The following SERPINB7 variants were observed in gnomAD, a reference collection of about 807,000 sequenced individuals.
SERPINB7 encodes serpin B7.
In SERPINB7, 31 loss-of-function variants were observed where a neutral mutation model predicts 37.4. The ratio of observed to expected loss-of-function variants is 0.83; its 90% CI spans 0.62 to 1.12. The LOEUF is 1.12. SERPINB7 is among the 50% of genes most tolerant of loss of function. The pLI, the probability that SERPINB7 is intolerant of heterozygous loss-of-function variation, is 0.00. For synonymous variants in SERPINB7, 163 were observed against 166.1 expected, an observed-to-expected ratio of 0.98 and a Z score of 0.14; for missense variants, 521 against 455.3, an observed-to-expected ratio of 1.14 and a Z score of -1.31.
intron 2 of SERPINB7, among the ~76,000 whole-genome samples, chr18:63,788,487 A>C (rs1380203029): frequency 6.6e-6 from 1 of 152,224 alleles, no homozygotes; most frequent in Non-Finnish European, 1.5e-5. Context: ...GTTTTTAAAA[A>C]ATAAGAAGTT....
chr18:63,760,059 A>G (rs1255019371), intron 1 of SERPINB7, among the ~76,000 whole-genome samples: 1 of 152,194 alleles, frequency 6.6e-6, no homozygotes, highest in Non-Finnish European at 1.5e-5. Flanking sequence ...AGGTTGGAAT[A>G]GTTTGGAGGG....
intron 6 of SERPINB7, among the ~76,000 whole-genome samples, chr18:63,800,059 A>ATTTT (rs11347836): frequency 1.9e-4 from 28 of 143,710 alleles, no homozygotes; most frequent in Admixed American, 4.9e-4. Context: ...TAAATAGCGT[A>ATTTT]TTTTTTTTTT....
chr18:63,783,793 C>G (rs1167410775), intron 2 of SERPINB7, among the ~76,000 whole-genome samples: 1 of 152,202 alleles, frequency 6.6e-6, no homozygotes, highest in African/African-American at 2.4e-5. Context: ...CACTATTCCT[C>G]CCATTATTTT....
chr18:63,801,917 C>G (rs537382839), intron 7 of SERPINB7, among the ~76,000 whole-genome samples: 1 of 152,124 alleles, frequency 6.6e-6, no homozygotes, highest in African/African-American at 2.4e-5. Context: ...TACATCGTGG[C>G]GGAATTCAGG....
At chr18:63,781,254 G>T (rs1394775734) in intron 1 of SERPINB7, among the ~76,000 whole-genome samples, 1 of 152,150 alleles carries the variant, frequency 6.6e-6, no homozygotes, top group Non-Finnish European at 1.5e-5. Context: ...GTACAAGGAA[G>T]CATGATTTTC....
At chr18:63,780,699 G>A (rs923567726) in intron 1 of SERPINB7, among the ~76,000 whole-genome samples, 154 of 152,302 alleles carry the variant, frequency 1.0e-3, no homozygotes, top group African/African-American at 3.4e-3. Flanking sequence ...GATATGTGGG[G>A]TGTGAATGAT....
At chr18:63,764,499 T>C (rs2049170243) in intron 1 of SERPINB7, among the ~76,000 whole-genome samples, 1 of 152,204 alleles carries the variant, frequency 6.6e-6, no homozygotes, top group Non-Finnish European at 1.5e-5. Flanking sequence ...CAGGAGGGGC[T>C]GTTCCCAAGC....
intron 2 of SERPINB7, among the ~76,000 whole-genome samples, chr18:63,785,965 A>G (rs981446506): frequency 7.1e-6 from 1 of 141,298 alleles, no homozygotes; most frequent in African/African-American, 2.7e-5. Flanking sequence ...ATATATACAC[A>G]TATATAATAT....
At chr18:63,769,679 T>C (rs2144593261) in intron 1 of SERPINB7, among the ~76,000 whole-genome samples, 2 of 152,266 alleles carry the variant, frequency 1.3e-5, no homozygotes, top group Middle Eastern at 6.8e-3. Context: ...GTAGTCCTAC[T>C]CTCATCTGCC....
At chr18:63,790,231 A>G (rs1340445065) in intron 2 of SERPINB7, among the ~76,000 whole-genome samples, 1 of 152,254 alleles carries the variant, frequency 6.6e-6, no homozygotes, top group Non-Finnish European at 1.5e-5. Context: ...TAATATAAAA[A>G]TCCCCAAATT....
intron 1 of SERPINB7, among the ~76,000 whole-genome samples, chr18:63,755,198 C>A (rs1848029): frequency 6.8e-6 from 1 of 147,452 alleles, no homozygotes; most frequent in Non-Finnish European, 1.5e-5. Flanking sequence ...GCCACCGCGC[C>A]CGGCCTAAAC....
intron 2 of SERPINB7, among the ~76,000 whole-genome samples, chr18:63,783,769 C>T (rs1431760592): frequency 6.6e-6 from 1 of 152,170 alleles, no homozygotes; most frequent in African/African-American, 2.4e-5. Context: ...CCTCCCTGTG[C>T]CCACCTCTTG....
chr18:63,784,650 A>G (rs2049346689), intron 2 of SERPINB7, among the ~76,000 whole-genome samples: 1 of 152,200 alleles, frequency 6.6e-6, no homozygotes, highest in South Asian at 2.1e-4. Context: ...GAGTTAGAAG[A>G]TTGGGTCGAA....
In SERPINB7 at chr18:63,757,723, C is replaced by T. The variant is rs373452018; in HGVS notation, c.-19+4603C>T. Reference sequence around the variant, plus strand: ...TTGGCTTCTTGCAGAAAAAGTTGACCAATCTCTGCTCTTGGGAGTTCCTAA... The same window carrying T: ...TTGGCTTCTTGCAGAAAAAGTTGACTAATCTCTGCTCTTGGGAGTTCCTAA... On this transcript the variant is annotated intron_variant, in intron 1 of 7. Coordinates refer to the SERPINB7 transcript ENST00000336429. Among the ~76,000 whole-genome samples, 3 of 152,212 alleles carry T rather than the reference C, an allele frequency of 2.0e-5. No homozygotes were observed. In the East Asian group the frequency reaches 5.8e-4, roughly 29 times the overall value.
upstream of SERPINB7, among the ~76,000 whole-genome samples, chr18:63,775,093 TC>T (rs2049235531): frequency 6.6e-6 from 1 of 152,150 alleles, no homozygotes; most frequent in South Asian, 2.1e-4. Flanking sequence ...GTCACTGCTA[TC>T]TTGCCTTAGT....
intron 1 of SERPINB7, among the ~76,000 whole-genome samples, chr18:63,762,174 C>A (rs373773989): frequency 2.6e-5 from 4 of 152,052 alleles, no homozygotes; most frequent in African/African-American, 7.2e-5. Context: ...GGTGCCAAGC[C>A]CAGCACCCAC....
At chr18:63,789,512 G>A (rs1460766447) in intron 2 of SERPINB7, among the ~76,000 whole-genome samples, 2 of 152,036 alleles carry the variant, frequency 1.3e-5, no homozygotes, top group Non-Finnish European at 2.9e-5. Flanking sequence ...CCCTTTCCTA[G>A]TAACAAGTGA....
upstream of SERPINB7, among the ~76,000 whole-genome samples, chr18:63,773,655 T>A (rs1313264204): frequency 6.6e-6 from 1 of 152,160 alleles, no homozygotes; most frequent in African/African-American, 2.4e-5. Context: ...ACAGTTCATG[T>A]TTCCTCATCT....
intron 1 of SERPINB7, among the ~76,000 whole-genome samples, chr18:63,778,806 C>T (rs951780297): frequency 5.9e-5 from 9 of 152,046 alleles, no homozygotes; most frequent in Non-Finnish European, 1.3e-4. Context: ...ATCAAATAGG[C>T]TTCAGGCTGC....
Sources: gnomAD v4.1 joint callset for allele counts (sites outside exome capture counted in the v4.1 genomes callset) on GRCh38, gnomAD v4.1.1 for gene constraint, MANE v1.5 for transcripts, NCBI Gene and HGNC (gene_info 2026-07-23, HGNC 2026-07-21) for gene names.